The following CD96 variants were observed in gnomAD, a reference collection of about 807,000 sequenced individuals.
CD96 encodes the protein T-cell surface protein tactile.
Under a neutral mutation model 71.3 loss-of-function variants are expected in CD96, and 70 were observed. The observed-to-expected ratio is 0.98, with a 90% CI of 0.81 to 1.20. CD96 has a LOEUF of 1.20. Ranked by LOEUF, CD96 falls within the 50% of genes most tolerant of loss-of-function variation. The probability of loss-of-function intolerance (pLI) is 0.00; values close to 1 mark genes in which losing one functional copy is unlikely to be tolerated. For synonymous variants in CD96, 248 were observed against 233.0 expected, an observed-to-expected ratio of 1.06 and a Z score of -0.59; for missense variants, 742 against 677.5, an observed-to-expected ratio of 1.10 and a Z score of -1.06.
chr3:111,620,597 A>G (rs1020076668), intron 8 of CD96, among the ~76,000 whole-genome samples: 3 of 152,212 alleles, frequency 2.0e-5, no homozygotes, highest in African/African-American at 7.2e-5. Context: ...CTCAAGTGAA[A>G]GTCTAAAGAA....
At chr3:111,564,943 A>G (rs943393704) in intron 2 of CD96, among the ~76,000 whole-genome samples, 2 of 152,072 alleles carry the variant, frequency 1.3e-5, no homozygotes, top group African/African-American at 2.4e-5. Flanking sequence ...CTCTTAGTGG[A>G]CCTGTCCTGT....
intron 8 of CD96, among the ~76,000 whole-genome samples, chr3:111,623,114 A>C (rs931429436): frequency 1.3e-5 from 2 of 152,242 alleles, no homozygotes; most frequent in African/African-American, 4.8e-5. Context: ...TGTATTTAAA[A>C]TTTTTATTTC....
At position 111,624,753 on chromosome 3, in the gene CD96, C is replaced by A. The variant is rs191162631; in HGVS notation, c.1321+349C>A. On this transcript the variant is annotated intron_variant, in intron 10 of 13. Coordinates refer to ENST00000352690, the MANE Select transcript of CD96 (RefSeq NM_005816.5). ...ACATCTGAGCAATGCTATAACCAGT[C>A]AACCCGAAAGAGCAAGCTGTGAATA... Among the ~76,000 whole-genome samples the A allele has an allele frequency of 9.2e-5, 14 of 152,312 alleles. No individual in the cohort carries two copies. In the East Asian group the frequency reaches 2.7e-3, roughly 29 times the overall value.
rs143405552 is a variant in CD96, at chr3:111,596,941, T to C, written c.808-1179T>C. 1.4e-3 allele frequency among the ~76,000 whole-genome samples: 210 copies of C among 152,320 alleles called. 1 individual carries two copies. Among genetic ancestry groups the C allele is most frequent in the African/African-American group, 4.8e-3 (198 of 41,576 alleles). On this transcript the variant is annotated intron_variant, in intron 5 of 13. Coordinates refer to ENST00000352690, the MANE Select transcript of CD96 (RefSeq NM_005816.5). The stretch of plus-strand genomic sequence containing the variant: ...CCCCCTCTGAAATTCTCTTGTTTCA[T>C]TGGGATTTCTGTAGCAATGTACTGA...
intron 3 of CD96, chr3:111,577,666 C>T (rs1033558585): frequency 5.5e-5 from 44 of 794,930 alleles, no homozygotes; most frequent in African/African-American, 3.9e-4. Context: ...AGCTAAAGAA[C>T]GGTGTCTTAC....
chr3:111,606,868 C>A, intron 8 of CD96, 76 bp downstream of exon 8: 2 of 882,628 alleles, frequency 2.3e-6, no homozygotes, highest in Non-Finnish European at 3.9e-6. Flanking sequence ...AAACTTGCAT[C>A]ATTCATGCCT....
intron 5 of CD96, chr3:111,594,306 T>C: frequency 7.1e-7 from 1 of 1,404,922 alleles, no homozygotes; most frequent in African/African-American, 1.4e-5. Context: ...GTGGTAACTC[T>C]TGGGGATTCA....
intron 12 of CD96, among the ~76,000 whole-genome samples, chr3:111,646,541 A>C (rs1451815346): frequency 8.2e-6 from 1 of 121,826 alleles, no homozygotes; most frequent in Non-Finnish European, 1.7e-5. Flanking sequence ...ACTGAAAAGT[A>C]AAAAAAAAAA....
chr3:111,656,869 C>T (rs1051716147), downstream of CD96, among the ~76,000 whole-genome samples: 15 of 151,816 alleles, frequency 9.9e-5, no homozygotes, highest in African/African-American at 3.6e-4. Flanking sequence ...TCAAGAAATG[C>T]TGGAGTTGAG....
intron 2 of CD96, among the ~76,000 whole-genome samples, chr3:111,564,834 C>G (rs1256436831): frequency 6.6e-6 from 1 of 152,156 alleles, no homozygotes; most frequent in Non-Finnish European, 1.5e-5. Flanking sequence ...AAAGCCGCCT[C>G]TTCTGTTATT....
intron 5 of CD96, among the ~76,000 whole-genome samples, chr3:111,588,705 G>A (rs1413669118): frequency 6.6e-6 from 1 of 152,136 alleles, no homozygotes; most frequent in African/African-American, 2.4e-5. Context: ...CACAAAAACA[G>A]CATGGGAAAG....
Position 111,606,693 on chromosome 3 carries a change from C to CT in CD96, c.1088-4dup, listed in dbSNP as rs1172011417. The CT allele has an allele frequency of 7.0e-7, 1 of 1,427,184 alleles. No homozygotes were observed. Among genetic ancestry groups the CT allele is most frequent in the Admixed American group, 1.7e-5 (1 of 59,742 alleles). 88.4% of individuals were successfully genotyped at this position (1,427,184 alleles called of 1,614,324 possible). ...GTTCATTATAAATCTCTTTCTAATC[C>CT]TTTAAGGTTCTGAAATTTCCTCAAC... On this transcript the variant is annotated splice_polypyrimidine_tract_variant and splice_region_variant and intron_variant, in intron 7 of 13. Transcript: ENST00000352690.
chr3:111,609,102 T>C (rs1209055881), intron 8 of CD96, among the ~76,000 whole-genome samples: 1 of 152,156 alleles, frequency 6.6e-6, no homozygotes, highest in Non-Finnish European at 1.5e-5. Context: ...TTTGACTCAG[T>C]GGAGAGCTCG....
chr3:111,609,406 A>C (rs1198722666), intron 8 of CD96, among the ~76,000 whole-genome samples: 1 of 152,186 alleles, frequency 6.6e-6, no homozygotes, highest in Non-Finnish European at 1.5e-5. Context: ...ACTATATATC[A>C]GGTACCTTTG....
intron 10 of CD96, among the ~76,000 whole-genome samples, chr3:111,635,258 C>T (rs544626687): frequency 1.3e-5 from 2 of 152,272 alleles, no homozygotes; most frequent in East Asian, 1.9e-4. Flanking sequence ...AATCCATCAA[C>T]GGGAAACTCC....
chr3:111,607,012 C>T (rs1483266227), intron 8 of CD96: 6 of 592,792 alleles, frequency 1.0e-5, no homozygotes, highest in African/African-American at 1.9e-5. Flanking sequence ...TGTTCACAGA[C>T]TTGTACAACC....
chr3:111,565,372 G>T (rs1183980028), intron 2 of CD96, among the ~76,000 whole-genome samples: 1 of 152,022 alleles, frequency 6.6e-6, no homozygotes, highest in Non-Finnish European at 1.5e-5. Context: ...AGGGTTTCAG[G>T]TATATTCAAA....
intron 12 of CD96, among the ~76,000 whole-genome samples, chr3:111,647,031 C>T (rs1223254283): frequency 7.9e-6 from 1 of 126,614 alleles, no homozygotes; most frequent in African/African-American, 3.0e-5. Flanking sequence ...CATATGGACA[C>T]AAAGACAAGA....
chr3:111,663,948 C>T (rs1940418348), intron 14 of CD96, among the ~76,000 whole-genome samples: 1 of 152,178 alleles, frequency 6.6e-6, no homozygotes, highest in South Asian at 2.1e-4. Flanking sequence ...GATGGGGTTT[C>T]ACCATGTTAG....
Sources: allele counts gnomAD v4.1 joint callset (sites outside exome capture counted in the v4.1 genomes callset), GRCh38; gene constraint gnomAD v4.1.1; transcripts MANE v1.5; gene names NCBI Gene and HGNC (gene_info 2026-07-23, HGNC 2026-07-21).